Variants in KLF17 observed in about 807,000 individuals in gnomAD.
KLF17 encodes the protein KLF transcription factor 17.
Under a neutral mutation model 34.2 loss-of-function variants are expected in KLF17, and 31 were observed. The ratio of observed to expected loss-of-function variants is 0.91; its 90% confidence interval spans 0.68 to 1.22. The LOEUF is 1.22. KLF17 is among the 50% of genes most tolerant of loss of function. The probability of loss-of-function intolerance (pLI) is 0.00; values close to 1 mark genes in which losing one functional copy is unlikely to be tolerated. For synonymous variants in KLF17, 179 were observed against 186.7 expected (o/e 0.96, Z 0.34); for missense variants, 478 against 505.2 (o/e 0.95, Z 0.52).
Position 44,134,536 on chromosome 1 carries a change from A to G in KLF17, c.*1299A>G, listed in dbSNP as rs1200432538. 6.6e-6 allele frequency: 1 copy of G among 152,202 alleles called. No homozygotes were observed. Among genetic ancestry groups the G allele is most frequent in the African/African-American group, 2.4e-5 (1 of 41,436 alleles). 9.4% of individuals were successfully genotyped at this position (152,202 alleles called of 1,614,324 possible). ...AGCGAGACTCTATCTCAAAACAATCAAAACAAAAAAGACCTGTGGACTCTA... is the reference window on the plus strand; with the variant it reads ...AGCGAGACTCTATCTCAAAACAATCGAAACAAAAAAGACCTGTGGACTCTA... On this transcript the variant is annotated 3_prime_UTR_variant, in exon 4 of 4. Transcript: ENST00000372299.
the KLF17 span, among the ~76,000 whole-genome samples, chr1:44,072,685 C>T: frequency 6.6e-6 from 1 of 151,998 alleles, no homozygotes; most frequent in Admixed American, 6.6e-5. Context: ...CAGAGCAAGA[C>T]CTTGTCTGTA....
the KLF17 span, among the ~76,000 whole-genome samples, chr1:44,073,428 A>G: frequency 1.3e-5 from 2 of 149,122 alleles, no homozygotes; most frequent in African/African-American, 5.0e-5. Flanking sequence ...CTGGTCTCCA[A>G]CTCCTGACCT....
chr1:44,099,927 G>T, the KLF17 span, among the ~76,000 whole-genome samples: 1 of 144,070 alleles, frequency 6.9e-6, no homozygotes, highest in Non-Finnish European at 1.5e-5. Context: ...GAAAAGAAAG[G>T]GAGGGAGGGA....
chr1:44,090,333 A>AAAAAG, the KLF17 span, among the ~76,000 whole-genome samples: 8 of 141,082 alleles, frequency 5.7e-5, no homozygotes, highest in South Asian at 2.2e-4. Flanking sequence ...AAAAAAAAAA[A>AAAAAG]AAAAGAAAAG....
In KLF17 at chr1:44,130,007, C is replaced by A. The variant is rs974077986; in HGVS notation, c.736C>A (p.Gln246Lys). The A allele has an allele frequency of 2.5e-6, 4 of 1,614,052 alleles. No homozygotes were observed. In the Admixed American group the frequency reaches 6.7e-5, roughly 27 times the overall value. The part of the protein sequence containing the change: ...QDSLVSQPDS[Q>K]EGPFLPEQPG... ...CTCTCTTGTCAGTCAGCCAGACTCTCAAGAAGGCCCATTTCTACCAGAGCA... is the reference window on the plus strand; with the variant it reads ...CTCTCTTGTCAGTCAGCCAGACTCTAAAGAAGGCCCATTTCTACCAGAGCA... The change falls in exon 2 of 4, where the codon CAA becomes AAA. Residue 246 changes from glutamine (Q) to lysine (K), a missense_variant. Transcript: ENST00000372299.
the KLF17 span, among the ~76,000 whole-genome samples, chr1:44,090,104 G>A: frequency 6.7e-6 from 1 of 149,896 alleles, no homozygotes; most frequent in African/African-American, 2.5e-5. Context: ...GCCACTGCCT[G>A]GGTGATAAAG....
the KLF17 span, among the ~76,000 whole-genome samples, chr1:44,055,353 G>C: frequency 1.3e-5 from 2 of 152,148 alleles, no homozygotes; most frequent in South Asian, 4.1e-4. Context: ...TCCTGCTCTT[G>C]TACAGTAACA....
the KLF17 span, among the ~76,000 whole-genome samples, chr1:44,073,515 A>AT: frequency 8.6e-5 from 13 of 151,692 alleles, no homozygotes; most frequent in African/African-American, 1.7e-4. Context: ...CCATGACAGT[A>AT]TTTTTTTTCA....
chr1:44,121,726 T>C (rs1190147134), intron 1 of KLF17, among the ~76,000 whole-genome samples: 1 of 152,248 alleles, frequency 6.6e-6, no homozygotes, highest in Non-Finnish European at 1.5e-5. Flanking sequence ...ATCTTACAGC[T>C]TAACTGGATT....
chr1:44,123,104 G>T (rs2087967619), intron 1 of KLF17, among the ~76,000 whole-genome samples: 1 of 152,158 alleles, frequency 6.6e-6, no homozygotes, highest in African/African-American at 2.4e-5. Context: ...ACGTGAGGCT[G>T]CAGTGAGCCA....
At chr1:44,073,792 G>A in the KLF17 span, among the ~76,000 whole-genome samples, 1 of 152,154 alleles carries the variant, frequency 6.6e-6, no homozygotes. Flanking sequence ...CTTTGTAGAA[G>A]TCTTTTCTGA....
the KLF17 span, among the ~76,000 whole-genome samples, chr1:44,062,829 C>T: frequency 6.6e-6 from 1 of 152,062 alleles, no homozygotes; most frequent in Non-Finnish European, 1.5e-5. Context: ...AAAACTTTGG[C>T]AGTGTTTACT....
At chr1:44,078,528 C>T in the KLF17 span, among the ~76,000 whole-genome samples, 2 of 151,788 alleles carry the variant, frequency 1.3e-5, no homozygotes, top group African/African-American at 4.8e-5. Flanking sequence ...ACCTCCGCCT[C>T]CTGGGTTCAA....
At chr1:44,098,785 T>C in the KLF17 span, among the ~76,000 whole-genome samples, 4 of 151,854 alleles carry the variant, frequency 2.6e-5, no homozygotes, top group East Asian at 5.8e-4. Context: ...CTCCTGACCT[T>C]GTGATCCGCC....
Position 44,130,605 on chromosome 1 carries a change from A to G in KLF17, c.1019A>G (p.Tyr340Cys). The G allele has an allele frequency of 6.2e-7, 1 of 1,614,152 alleles. No individual in the cohort carries two copies. Among genetic ancestry groups the G allele is most frequent in the Non-Finnish European group, 8.5e-7 (1 of 1,180,032 alleles). ...LRRHMRVHTR[Y>C]RPYKCDQCSR... ...CGACATATGCGGGTACACACCAGAT[A>G]TCGACCATATAAATGTGATCAGTGC... is the stretch of plus-strand genomic sequence containing the variant. The change falls in exon 3 of 4, where the codon TAT becomes TGT. Residue 340 changes from tyrosine (Y) to cysteine (C), a missense_variant. Tyr to Cys is a radical substitution (Grantham distance 194, BLOSUM62 -2). Coordinates refer to ENST00000372299, the MANE Select transcript of KLF17 (RefSeq NM_173484.4).
chr1:44,127,635 TTTCCTTCTTTC>T (rs768731513), intron 1 of KLF17, among the ~76,000 whole-genome samples: 6 of 29,754 alleles, frequency 2.0e-4, no homozygotes, highest in South Asian at 1.1e-3. Context: ...TTTTCTTTTC[TTTCCTTCTTTC>T]TTTCTTTCTT....
intron 1 of KLF17, among the ~76,000 whole-genome samples, chr1:44,126,005 G>A (rs1005084005): frequency 6.8e-6 from 1 of 148,088 alleles, no homozygotes; most frequent in African/African-American, 2.5e-5. Flanking sequence ...GGAGGACAAG[G>A]TTTTTTTTGT....
At chr1:44,105,037 AG>A in the KLF17 span, 1 of 153,180 alleles carries the variant, frequency 6.5e-6, no homozygotes, top group Non-Finnish European at 1.5e-5. Context: ...CAGGAGTTCA[AG>A]GCTGCAGTGA....
chr1:44,046,157 AT>A, the KLF17 span: 1 of 149,256 alleles, frequency 6.7e-6, no homozygotes, highest in Non-Finnish European at 1.5e-5. Context: ...AATAATAATA[AT>A]AATAATAGCT....
Sources: gnomAD v4.1 joint callset for allele counts (sites outside exome capture counted in the v4.1 genomes callset) on GRCh38, gnomAD v4.1.1 for gene constraint, MANE v1.5 for transcripts, NCBI Gene and HGNC (gene_info 2026-07-23, HGNC 2026-07-21) for gene names.